LPCAT2: variants seen among roughly 807,000 people sequenced by gnomAD.
LPCAT2 encodes the protein 1-AGP acyltransferase 11.
Under a neutral mutation model 64.7 loss-of-function variants are expected in LPCAT2, and 58 were observed. The ratio of observed to expected loss-of-function variants is 0.90; its 90% confidence interval spans 0.73 to 1.12. LPCAT2 has a LOEUF of 1.12. Among genes scored for constraint, LPCAT2 ranks in the 50% most tolerant of loss-of-function variants. The pLI, the probability that LPCAT2 is intolerant of heterozygous loss-of-function variation, is 0.00. For missense variants in LPCAT2, 579 were observed against 669.8 expected, an observed-to-expected ratio of 0.86 and a Z score of 1.50; for synonymous variants, 252 against 245.3, an observed-to-expected ratio of 1.03 and a Z score of -0.26.
intron 12 of LPCAT2, among the ~76,000 whole-genome samples, chr16:55,575,099 C>T (rs1232194797): frequency 2.0e-5 from 3 of 152,130 alleles, no homozygotes; most frequent in Non-Finnish European, 2.9e-5. Context: ...TCTGATCTAT[C>T]GTTATTTTCT....
intron 1 of LPCAT2, among the ~76,000 whole-genome samples, chr16:55,521,699 A>C (rs1169791157): frequency 6.6e-6 from 1 of 151,788 alleles, no homozygotes. Flanking sequence ...TCCAATTTCA[A>C]TGTAATTCAC....
intron 12 of LPCAT2, among the ~76,000 whole-genome samples, chr16:55,576,161 A>G (rs1371170910): frequency 1.3e-5 from 2 of 149,060 alleles, no homozygotes; most frequent in African/African-American, 2.5e-5. Context: ...AAGGGAAGAA[A>G]GGAGGGCTTA....
chr16:55,531,795 C>A, intron 4 of LPCAT2, 119 bp from the exon 5 acceptor site: 1 of 673,798 alleles, frequency 1.5e-6, no homozygotes, highest in Admixed American at 2.5e-5. Flanking sequence ...AAATGTTAGC[C>A]TTTTATTTTG....
intron 9 of LPCAT2, among the ~76,000 whole-genome samples, chr16:55,548,915 A>G (rs1963483329): frequency 6.6e-6 from 1 of 152,208 alleles, no homozygotes; most frequent in Admixed American, 6.5e-5. Flanking sequence ...TACAGATGAG[A>G]AAAGTGAGGC....
intron 12 of LPCAT2, among the ~76,000 whole-genome samples, chr16:55,577,272 C>G (rs1454638595): frequency 6.6e-6 from 1 of 152,044 alleles, no homozygotes; most frequent in South Asian, 2.1e-4. Context: ...CTTTAGGGAC[C>G]ATTAAAACAT....
intron 11 of LPCAT2, among the ~76,000 whole-genome samples, chr16:55,554,813 G>A (rs28876218): frequency 0.087 from 13,247 of 152,114 alleles, 820 homozygotes; most frequent in African/African-American, 0.17. Context: ...GAACACTTAG[G>A]GGCCGTTGTA....
chr16:55,539,702 C>A (rs949836062), intron 8 of LPCAT2: 1 of 152,132 alleles, frequency 6.6e-6, no homozygotes. Context: ...TTTTCCACTA[C>A]GTCTGCTGAG....
chr16:55,520,115 A>G (rs1963074022), intron 1 of LPCAT2, among the ~76,000 whole-genome samples: 1 of 152,186 alleles, frequency 6.6e-6, no homozygotes, highest in African/African-American at 2.4e-5. Context: ...TTTTCAGACT[A>G]GACAAAAGAA....
chr16:55,539,141 A>C (rs1179088129), intron 8 of LPCAT2: 4 of 152,104 alleles, frequency 2.6e-5, no homozygotes, highest in Admixed American at 6.5e-5. Context: ...CTTTTTTGCC[A>C]TAGCATGTCA....
At position 55,574,709 on chromosome 16, in the gene LPCAT2, A is replaced by T. The variant is rs371277752; in HGVS notation, c.1294A>T (p.Ile432Phe). The change falls in exon 12 of 14, where the codon ATC (isoleucine) becomes TTC (phenylalanine). Residue 432 changes from isoleucine to phenylalanine, a missense_variant. Ile to Phe is a conservative substitution (Grantham distance 21, BLOSUM62 0). Transcript: ENST00000262134. ...GTGCAACCCTTCCAACACAGAGGAG[A>T]TCATCCAGGTGGCATTTAAGGTACT... is the stretch of plus-strand genomic sequence containing the variant. ...VLCNPSNTEE[I>F]IQVAFKLFDV... 5.6e-6 allele frequency: 9 copies of T among 1,613,438 alleles called. No homozygotes were observed. The highest frequency in any genetic ancestry group is 4.5e-5 in the East Asian group (2 of 44,848).
In LPCAT2 at chr16:55,583,113, A is replaced by G. The variant is rs1166678807; in HGVS notation, c.*15A>G. On this transcript the variant is annotated 3_prime_UTR_variant, in exon 14 of 14. Coordinates refer to ENST00000262134, the MANE Select transcript of LPCAT2 (RefSeq NM_017839.5). ...AAGATGACTGAAAGCAGTATTTCCA[A>G]TAAGGAAAACACAGTAGCTTTTGCT... The G allele has an allele frequency of 4.0e-5, 64 of 1,602,452 alleles. No homozygotes were observed. In the Admixed American group the frequency reaches 1.0e-3, roughly 26 times the overall value.
chr16:55,566,483 T>A (rs535817334), intron 11 of LPCAT2, among the ~76,000 whole-genome samples: 1 of 152,170 alleles, frequency 6.6e-6, no homozygotes, highest in Non-Finnish European at 1.5e-5. Flanking sequence ...TCTTTAAAAC[T>A]ATTATCCTAA....
chr16:55,527,263 CA>C (rs1963183684), intron 2 of LPCAT2, among the ~76,000 whole-genome samples: 1 of 151,936 alleles, frequency 6.6e-6, no homozygotes, highest in Non-Finnish European at 1.5e-5. Context: ...GCAGGCGGAT[CA>C]CTTGAGGTCA....
At chr16:55,575,818 C>A (rs1355836480) in intron 12 of LPCAT2, among the ~76,000 whole-genome samples, 2 of 152,180 alleles carry the variant, frequency 1.3e-5, no homozygotes, top group Non-Finnish European at 2.9e-5. Flanking sequence ...GAGTTAACTG[C>A]CAGGCTTATA....
Position 55,509,085 on chromosome 16 carries a change from C to T in LPCAT2, c.-97C>T. The T allele has an allele frequency of 9.3e-7, 1 of 1,079,444 alleles. No homozygotes were observed. The highest frequency in any genetic ancestry group is 1.2e-6 in the Non-Finnish European group (1 of 836,196). 66.9% of individuals were successfully genotyped at this position (1,079,444 alleles called of 1,614,324 possible). On this transcript the variant is annotated 5_prime_UTR_variant, in exon 1 of 14. Transcript: ENST00000262134. ...CAGCGCCTGCGCAGAGGCTCCCCAG[C>T]GTCGCCCTAGGCTGGGACTCTAGTA...
intron 11 of LPCAT2, chr16:55,567,298 C>T (rs1963714145): frequency 1.9e-6 from 3 of 1,613,510 alleles, no homozygotes; most frequent in African/African-American, 1.3e-5. Flanking sequence ...CTGCAGGCCG[C>T]AGGCTTCCAG....
chr16:55,532,943 G>C (rs1408414975), intron 6 of LPCAT2, 61 bp downstream of exon 6: 1 of 1,360,270 alleles, frequency 7.4e-7, no homozygotes, highest in Non-Finnish European at 1.0e-6. Context: ...AGATTCTCTG[G>C]GACCCCTTTT....
At chr16:55,572,694 G>A (rs748662607) in intron 11 of LPCAT2, among the ~76,000 whole-genome samples, 5 of 152,158 alleles carry the variant, frequency 3.3e-5, no homozygotes, top group Non-Finnish European at 2.9e-5. Flanking sequence ...GGTGGCACAC[G>A]CCTGTAGTTA....
At chr16:55,521,374 A>T (rs1344644554) in intron 1 of LPCAT2, among the ~76,000 whole-genome samples, 1 of 151,820 alleles carries the variant, frequency 6.6e-6, no homozygotes, top group Non-Finnish European at 1.5e-5. Flanking sequence ...CGCCAAGATT[A>T]TTTTACTAGT....
Sources: allele counts gnomAD v4.1 joint callset (sites outside exome capture counted in the v4.1 genomes callset), GRCh38; gene constraint gnomAD v4.1.1; transcripts MANE v1.5; gene names NCBI Gene and HGNC (gene_info 2026-07-23, HGNC 2026-07-21).